Variants in TMTC2 observed in about 807,000 individuals in gnomAD.
TMTC2 encodes transmembrane O-mannosyltransferase targeting cadherins 2.
Under a neutral mutation model 82.4 loss-of-function variants are expected in TMTC2, and 43 were observed. That is an observed-to-expected ratio of 0.52 (90% confidence interval 0.41 to 0.67). TMTC2 has a LOEUF of 0.67. TMTC2 is among the 30% of genes least tolerant of loss of function. The pLI, the probability that TMTC2 is intolerant of heterozygous loss-of-function variation, is 0.00. For synonymous variants in TMTC2, 408 were observed against 381.9 expected, an observed-to-expected ratio of 1.07 and a Z score of -0.80; for missense variants, 919 against 1,012.4, an observed-to-expected ratio of 0.91 and a Z score of 1.25.
At chr12:82,987,601 A>C (rs976204956) in intron 8 of TMTC2, among the ~76,000 whole-genome samples, 2 of 152,144 alleles carry the variant, frequency 1.3e-5, no homozygotes, top group South Asian at 4.1e-4. Context: ...GTGGTAACTG[A>C]ATACCAGAGC....
chr12:83,127,137 T>C (rs1885121905), intron 11 of TMTC2, among the ~76,000 whole-genome samples: 1 of 152,116 alleles, frequency 6.6e-6, no homozygotes, highest in Non-Finnish European at 1.5e-5. Context: ...GTTTGCAAAT[T>C]ATATTCATAA....
At chr12:82,974,408 CTT>C (rs1878579458) in intron 7 of TMTC2, among the ~76,000 whole-genome samples, 1 of 152,108 alleles carries the variant, frequency 6.6e-6, no homozygotes, top group African/African-American at 2.4e-5. Context: ...ATTTAAAAAT[CTT>C]AACATTCTAA....
chr12:82,742,944 T>G (rs1359358185), intron 1 of TMTC2, among the ~76,000 whole-genome samples: 1 of 152,234 alleles, frequency 6.6e-6, no homozygotes, highest in Non-Finnish European at 1.5e-5. Context: ...TGCATCATGA[T>G]TGTTTTCTAC....
intron 8 of TMTC2, among the ~76,000 whole-genome samples, chr12:82,997,548 A>T (rs1460520582): frequency 1.3e-5 from 2 of 149,150 alleles, no homozygotes; most frequent in Non-Finnish European, 3.0e-5. Context: ...ACATTAGCAA[A>T]GCTGACTCAA....
At chr12:83,082,651 C>A (rs868103659) in intron 11 of TMTC2, among the ~76,000 whole-genome samples, 2 of 152,154 alleles carry the variant, frequency 1.3e-5, no homozygotes, top group African/African-American at 4.8e-5. Context: ...TGTACAATAA[C>A]AGCATCAAAT....
chr12:82,914,447 A>G (rs1384662692), intron 3 of TMTC2, among the ~76,000 whole-genome samples: 2 of 152,192 alleles, frequency 1.3e-5, no homozygotes, highest in South Asian at 2.1e-4. Flanking sequence ...TCCCTGATGT[A>G]CTATATTTGA....
At chr12:83,016,502 A>G (rs1042138091) in intron 8 of TMTC2, among the ~76,000 whole-genome samples, 2 of 152,186 alleles carry the variant, frequency 1.3e-5, no homozygotes, top group Non-Finnish European at 2.9e-5. Flanking sequence ...CTTCAATTTG[A>G]TAAGGGCCTA....
Position 82,954,099 on chromosome 12 carries a change from T to C in TMTC2, c.1599-10925T>C, listed in dbSNP as rs1162792735. Among the ~76,000 whole-genome samples, 4 of 152,178 alleles carry C rather than the reference T, an allele frequency of 2.6e-5. No individual in the cohort carries two copies. In the East Asian group the frequency reaches 7.7e-4, roughly 29 times the overall value. The stretch of plus-strand genomic sequence containing the variant: ...ATATAGTCCTAATTTTCATTTGTCT[T>C]AGTTTTTTAGTTTCCCAGATGCTTC... On this transcript the variant is annotated intron_variant, in intron 4 of 11. Transcript: ENST00000321196.
At chr12:82,986,840 C>T (rs2137339737) in intron 8 of TMTC2, among the ~76,000 whole-genome samples, 1 of 152,174 alleles carries the variant, frequency 6.6e-6, no homozygotes, top group South Asian at 2.1e-4. Context: ...CTTTATTTTA[C>T]ACAATAGTGA....
chr12:82,942,619 T>C (rs990493386), intron 4 of TMTC2, among the ~76,000 whole-genome samples: 1 of 152,218 alleles, frequency 6.6e-6, no homozygotes, highest in Non-Finnish European at 1.5e-5. Flanking sequence ...TGAATGTAAA[T>C]TCTTGAATAT....
chr12:82,881,450 A>T (rs1872820291), intron 2 of TMTC2, among the ~76,000 whole-genome samples: 1 of 152,216 alleles, frequency 6.6e-6, no homozygotes. Context: ...AATTAGAGCG[A>T]TTACAATTAC....
chr12:82,943,567 T>C (rs1345200417), intron 4 of TMTC2, among the ~76,000 whole-genome samples: 2 of 152,224 alleles, frequency 1.3e-5, no homozygotes, highest in Admixed American at 1.3e-4. Flanking sequence ...TTCACTGTGA[T>C]TGATTTTACA....
chr12:83,069,052 G>A (rs964952803), intron 11 of TMTC2, among the ~76,000 whole-genome samples: 1 of 152,096 alleles, frequency 6.6e-6, no homozygotes, highest in Non-Finnish European at 1.5e-5. Flanking sequence ...TTGTTTTTAT[G>A]GCTGTGTAGT....
At chr12:82,734,185 A>G (rs1198140848) in intron 1 of TMTC2, among the ~76,000 whole-genome samples, 5 of 152,190 alleles carry the variant, frequency 3.3e-5, no homozygotes, top group Non-Finnish European at 7.3e-5. Context: ...GTAGGTTGAT[A>G]TATTAGTTTT....
At chr12:82,837,434 C>T (rs2137084542) in intron 1 of TMTC2, among the ~76,000 whole-genome samples, 2 of 152,134 alleles carry the variant, frequency 1.3e-5, no homozygotes, top group South Asian at 2.1e-4. Context: ...ATAATGAGAC[C>T]CTGTCTCTAA....
intron 1 of TMTC2, among the ~76,000 whole-genome samples, chr12:82,839,772 CA>C (rs1347554191): frequency 6.6e-6 from 1 of 152,112 alleles, no homozygotes; most frequent in Non-Finnish European, 1.5e-5. Context: ...GTCTGCTTCC[CA>C]AAATATCTTA....
chr12:82,865,623 T>C (rs1330764941), intron 2 of TMTC2, among the ~76,000 whole-genome samples: 2 of 151,944 alleles, frequency 1.3e-5, no homozygotes, highest in African/African-American at 4.8e-5. Flanking sequence ...ATTAACAAGG[T>C]TATCCAGGAA....
At chr12:82,983,285 T>C (rs988252663) in intron 7 of TMTC2, among the ~76,000 whole-genome samples, 6 of 152,096 alleles carry the variant, frequency 3.9e-5, no homozygotes, top group Non-Finnish European at 4.4e-5. Context: ...CAGAGTAGTC[T>C]ATTTATCAGT....
chr12:82,840,306 G>A (rs1870263628), intron 1 of TMTC2, among the ~76,000 whole-genome samples: 1 of 152,218 alleles, frequency 6.6e-6, no homozygotes, highest in Non-Finnish European at 1.5e-5. Flanking sequence ...ACTCTAAAGT[G>A]TGTGTGTATG....
Sources: allele counts gnomAD v4.1 joint callset (sites outside exome capture counted in the v4.1 genomes callset), GRCh38; gene constraint gnomAD v4.1.1; transcripts MANE v1.5; gene names NCBI Gene and HGNC (gene_info 2026-07-23, HGNC 2026-07-21).